Variants in RALYL observed in about 807,000 individuals in gnomAD.
RALYL encodes the protein RNA-binding Raly-like protein.
A neutral mutation model predicts 35.1 loss-of-function variants in RALYL; 29 were observed. The ratio of observed to expected loss-of-function variants is 0.83; its 90% CI spans 0.61 to 1.13. The LOEUF is 1.13. Ranked by LOEUF, RALYL falls within the 50% of genes most tolerant of loss-of-function variation. The pLI is 0.00. For synonymous variants in RALYL, 120 were observed against 127.6 expected (o/e 0.94, Z 0.40); for missense variants, 359 against 360.4 (o/e 1.00, Z 0.03).
chr8:84,639,888 T>TA (rs1825956804), intron 2 of RALYL, among the ~76,000 whole-genome samples: 1 of 152,002 alleles, frequency 6.6e-6, no homozygotes, highest in Admixed American at 6.6e-5. Context: ...AATAAGGTCA[T>TA]AAAGTGGACT....
At chr8:84,717,505 A>C (rs113746512) in intron 2 of RALYL, among the ~76,000 whole-genome samples, 10,152 of 152,202 alleles carry the variant, frequency 0.067, 782 homozygotes, top group African/African-American at 0.19. Flanking sequence ...ATATTAAAGG[A>C]TAATGTGGCA....
intron 2 of RALYL, among the ~76,000 whole-genome samples, chr8:84,617,802 A>G (rs1299433188): frequency 6.6e-6 from 1 of 151,604 alleles, no homozygotes; most frequent in Non-Finnish European, 1.5e-5. Flanking sequence ...TTTAGCATGA[A>G]GCGTTGTTGA....
intron 1 of RALYL, among the ~76,000 whole-genome samples, chr8:84,481,239 A>T (rs2054005220): frequency 6.6e-6 from 1 of 152,026 alleles, no homozygotes; most frequent in Admixed American, 6.6e-5. Context: ...TAGAAATACA[A>T]TTTTTTTTGT....
intron 1 of RALYL, among the ~76,000 whole-genome samples, chr8:84,466,410 T>G (rs1374444924): frequency 0.015 from 2,281 of 148,858 alleles, 65 homozygotes; most frequent in African/African-American, 0.053. Flanking sequence ...TCATGTGGTT[T>G]TTGTCTTTGG....
intron 2 of RALYL, among the ~76,000 whole-genome samples, chr8:84,758,875 C>A (rs1476133726): frequency 6.6e-6 from 1 of 152,204 alleles, no homozygotes; most frequent in Non-Finnish European, 1.5e-5. Flanking sequence ...CAAATTACCA[C>A]AAGTTTAGTA....
At chr8:84,522,665 G>A (rs1554706150) in intron 1 of RALYL, among the ~76,000 whole-genome samples, 2 of 152,120 alleles carry the variant, frequency 1.3e-5, no homozygotes, top group Non-Finnish European at 2.9e-5. Context: ...GACAACTTTA[G>A]TTTGTATTTA....
chr8:84,333,643 A>G (rs1847239899), intron 1 of RALYL, among the ~76,000 whole-genome samples: 1 of 151,936 alleles, frequency 6.6e-6, no homozygotes, highest in African/African-American at 2.4e-5. Context: ...CTGACTCTCA[A>G]TTTTCAGATA....
chr8:84,419,777 A>G (rs2045259791), intron 1 of RALYL, among the ~76,000 whole-genome samples: 1 of 143,006 alleles, frequency 7.0e-6, no homozygotes, highest in African/African-American at 2.7e-5. Flanking sequence ...ATTCCCACCT[A>G]TGAGTGAGAA....
chr8:84,669,266 G>A (rs1321872497), intron 2 of RALYL, among the ~76,000 whole-genome samples: 1 of 152,072 alleles, frequency 6.6e-6, no homozygotes, highest in Non-Finnish European at 1.5e-5. Context: ...ACTAAATGTT[G>A]ACACTAGGTG....
chr8:84,366,432 C>G (rs1854286713), intron 1 of RALYL, among the ~76,000 whole-genome samples: 1 of 152,112 alleles, frequency 6.6e-6, no homozygotes, highest in Non-Finnish European at 1.5e-5. Flanking sequence ...TACCAAAGAT[C>G]TGCAGTAGTG....
intron 2 of RALYL, among the ~76,000 whole-genome samples, chr8:84,685,149 G>C (rs74797682): frequency 0.014 from 2,171 of 152,168 alleles, 62 homozygotes; most frequent in African/African-American, 0.049. Flanking sequence ...TGGAGGCTGG[G>C]GTTTTGACAT....
chr8:84,597,568 A>G (rs917353321), intron 2 of RALYL, among the ~76,000 whole-genome samples: 1 of 152,022 alleles, frequency 6.6e-6, no homozygotes, highest in Admixed American at 6.6e-5. Context: ...TTTCACCCTA[A>G]TGATGTATCT....
At chr8:84,425,778 T>C (rs1296203622) in intron 1 of RALYL, among the ~76,000 whole-genome samples, 1 of 144,736 alleles carries the variant, frequency 6.9e-6, no homozygotes, top group Non-Finnish European at 1.5e-5. Flanking sequence ...AAGCCAGTTT[T>C]TCTTCTGTGT....
At chr8:84,687,980 A>G (rs1339253887) in intron 2 of RALYL, among the ~76,000 whole-genome samples, 1 of 152,112 alleles carries the variant, frequency 6.6e-6, no homozygotes, top group Non-Finnish European at 1.5e-5. Context: ...TATACTCATA[A>G]TCAGTTAATT....
intron 2 of RALYL, among the ~76,000 whole-genome samples, chr8:84,749,111 C>T (rs958073092): frequency 2.0e-5 from 3 of 152,106 alleles, no homozygotes; most frequent in African/African-American, 7.2e-5. Flanking sequence ...AAAAAACTTA[C>T]ATCACAAATG....
chr8:84,738,524 T>C (rs1847724679), intron 2 of RALYL, among the ~76,000 whole-genome samples: 1 of 152,070 alleles, frequency 6.6e-6, no homozygotes, highest in African/African-American at 2.4e-5. Flanking sequence ...GATATTTTTC[T>C]TACCCTTTCT....
At chr8:84,275,926 A>G (rs1051829835) in intron 1 of RALYL, among the ~76,000 whole-genome samples, 3 of 152,122 alleles carry the variant, frequency 2.0e-5, no homozygotes, top group Non-Finnish European at 2.9e-5. Flanking sequence ...TATAATGCAA[A>G]AATTAAATTT....
intron 1 of RALYL, among the ~76,000 whole-genome samples, chr8:84,228,899 T>G (rs1260594950): frequency 6.6e-6 from 1 of 152,050 alleles, no homozygotes; most frequent in Non-Finnish European, 1.5e-5. Context: ...GTGGAAACTG[T>G]CCCCATGATA....
chr8:84,376,805 G>A (rs111581759), intron 1 of RALYL, among the ~76,000 whole-genome samples: 1 of 151,680 alleles, frequency 6.6e-6, no homozygotes, highest in Admixed American at 6.6e-5. Context: ...TTCTGACCTT[G>A]GGGGTCAGCT....
Sources: gnomAD v4.1 joint callset for allele counts (sites outside exome capture counted in the v4.1 genomes callset) on GRCh38, gnomAD v4.1.1 for gene constraint, MANE v1.5 for transcripts, NCBI Gene and HGNC (gene_info 2026-07-23, HGNC 2026-07-21) for gene names.